Variants in ENTPD8 observed in about 807,000 individuals in gnomAD.
ENTPD8 encodes E-NTPDase 8.
Under a neutral mutation model 47.0 loss-of-function variants are expected in ENTPD8, and 35 were observed. The observed-to-expected ratio is 0.75, with a 90% CI of 0.57 to 0.99. ENTPD8 has a LOEUF of 0.99. Among genes scored for constraint, ENTPD8 ranks in the 50% least tolerant of loss-of-function variants. ENTPD8 has a pLI of 0.00. For missense variants in ENTPD8, 668 were observed against 649.9 expected, an observed-to-expected ratio of 1.03 and a Z score of -0.30; for synonymous variants, 308 against 290.5, an observed-to-expected ratio of 1.06 and a Z score of -0.61.
chr9:137,435,990 G>A (rs1427424839), intron 7 of ENTPD8, 23 bp downstream of exon 7: 8 of 1,610,292 alleles, frequency 5.0e-6, no homozygotes, highest in Non-Finnish European at 4.2e-6. Context: ...CGGACCCCTG[G>A]TGGGGGCAGT....
rs1839439234 is a variant in ENTPD8, at chr9:137,438,761, G to C, written c.-20-456C>G. ...GGCATCAGAGGGCCCTGTGGGAGGG[G>C]GGCGGGGGGCAGCAGAGGCCTCGTC... On this transcript the variant is annotated intron_variant, in intron 1 of 9. Coordinates refer to ENST00000371506, the MANE Select transcript of ENTPD8 (RefSeq NM_001033113.2). This position sits in a 1 kb window ranked among gnomAD's most constrained non-coding sequence, Gnocchi z 5.7. 6.6e-6 allele frequency among the ~76,000 whole-genome samples: 1 copy of C among 152,122 alleles called. No homozygotes were observed. Among genetic ancestry groups the C allele is most frequent in the African/African-American group, 2.4e-5 (1 of 41,424 alleles).
intron 8 of ENTPD8, 63 bp from the exon 9 acceptor site, chr9:137,435,401 C>A: frequency 1.3e-6 from 2 of 1,557,464 alleles, no homozygotes; most frequent in Non-Finnish European, 8.7e-7. Context: ...GCGGGGACCG[C>A]CCCATCTGTC....
rs1197822231 is a variant in ENTPD8, at chr9:137,438,951, C to T, written c.-20-646G>A. On this transcript the variant is annotated intron_variant, in intron 1 of 9. Coordinates refer to ENST00000371506, the MANE Select transcript of ENTPD8 (RefSeq NM_001033113.2). This position sits in a 1 kb window ranked among gnomAD's most constrained non-coding sequence, Gnocchi z 5.7. ...GGAGCAGCCACAGCTCCAGCCTGCA[C>T]TGGGGGCCCAGGGCTCTGCCTCCTC... is the stretch of plus-strand genomic sequence containing the variant. Among the ~76,000 whole-genome samples the T allele has an allele frequency of 1.3e-5, 2 of 152,160 alleles. No individual in the cohort carries two copies. Among genetic ancestry groups the T allele is most frequent in the East Asian group, 1.9e-4 (1 of 5,188 alleles).
chr9:137,435,264 G>C lies in ENTPD8; in HGVS notation c.1236C>G (p.Leu412=), dbSNP rs1268220598. ...YCASGLYILT[L]LHEGYGFSEE... Reference sequence around the variant, plus strand: ...CGCTGAACCCGTAGCCCTCGTGCAGGAGGGTGAGGATGTACAGGCCTGAGG... The same window carrying C: ...CGCTGAACCCGTAGCCCTCGTGCAGCAGGGTGAGGATGTACAGGCCTGAGG... Residue 412 remains leucine (L), a synonymous_variant, in exon 9 of 10, where the codon CTC becomes CTG. Coordinates refer to ENST00000371506, the MANE Select transcript of ENTPD8 (RefSeq NM_001033113.2). 3 of 1,612,460 alleles carry C rather than the reference G, an allele frequency of 1.9e-6. No individual in the cohort carries two copies. Among genetic ancestry groups the C allele is most frequent in the African/African-American group, 1.3e-5 (1 of 74,948 alleles).
chr9:137,436,615 C>G lies in ENTPD8; in HGVS notation c.692G>C (p.Arg231Pro), dbSNP rs374510329. Reference sequence around the variant, plus strand: ...GACGCTGTAGTCGGAGCCGTAGAGGCGAAAATCGGCCTGGGTGCTCTTGTC... The same window carrying G: ...GACGCTGTAGTCGGAGCCGTAGAGGGGAAAATCGGCCTGGGTGCTCTTGTC... The part of the protein sequence containing the change: ...ILDKSTQADF[R>P]LYGSDYSVYT... The change falls in exon 6 of 10, where the codon CGC becomes CCC. Residue 231 changes from arginine (R) to proline (P), a missense_variant. Arg to Pro is a moderately radical substitution (Grantham distance 103). Transcript: ENST00000371506. 1 of 1,609,846 alleles carries G rather than the reference C, an allele frequency of 6.2e-7. No individual in the cohort carries two copies. Among genetic ancestry groups the G allele is most frequent in the Non-Finnish European group, 8.5e-7 (1 of 1,178,854 alleles).
chr9:137,439,356 G>A (rs1839454928), intron 1 of ENTPD8, among the ~76,000 whole-genome samples: 2 of 152,206 alleles, frequency 1.3e-5, no homozygotes, highest in Middle Eastern at 3.4e-3. Context: ...CTTCACACGG[G>A]TACCACTGCC....
Position 137,435,031 on chromosome 9 carries a change from C to T in ENTPD8, c.1371G>A (p.Pro457=), listed in dbSNP as rs140934866. 4.5e-5 allele frequency: 73 copies of T among 1,612,786 alleles called. 1 individual carries two copies. The highest frequency in any genetic ancestry group is 4.5e-4 in the South Asian group (41 of 91,070). ...NLTGMIPADA[P]AQWRAESYGV... ...CGTAGCTCTCTGCCCGCCACTGAGCCGGCGCATCGGCCGGGATCATCCCGG... is the reference window on the plus strand; with the variant it reads ...CGTAGCTCTCTGCCCGCCACTGAGCTGGCGCATCGGCCGGGATCATCCCGG... Residue 457 remains proline (P), a synonymous_variant, in exon 10 of 10, where the codon CCG becomes CCA. Coordinates refer to ENST00000371506, the MANE Select transcript of ENTPD8 (RefSeq NM_001033113.2).
Position 137,437,288 on chromosome 9 carries a change from G to A in ENTPD8, c.266C>T (p.Thr89Ile). 1 of 1,612,242 alleles carries A rather than the reference G, an allele frequency of 6.2e-7. No individual in the cohort carries two copies. Among genetic ancestry groups the A allele is most frequent in the Admixed American group, 1.7e-5 (1 of 59,934 alleles). ...QVEGPGISSYTSNAAQAGESL... is the reference protein window; with the variant it reads ...QVEGPGISSYISNAAQAGESL... ...CTCACCAGCCTGTGCAGCATTAGAA[G>A]TGTAGGAGGAGATTCCAGGCCCTGG... The change falls in exon 4 of 10, where the codon ACT becomes ATT. Residue 89 changes from threonine (T) to isoleucine (I), a missense_variant. Coordinates refer to ENST00000371506, the MANE Select transcript of ENTPD8 (RefSeq NM_001033113.2).
At chr9:137,435,625 G>C in intron 8 of ENTPD8, 94 bp downstream of exon 8, 1 of 1,296,028 alleles carries the variant, frequency 7.7e-7, no homozygotes, top group East Asian at 2.4e-5. Flanking sequence ...CCTGCTGGCC[G>C]TGCTGCCCAG....
At chr9:137,435,520 C>T (rs1284093388) in intron 8 of ENTPD8, among the ~76,000 whole-genome samples, 182 bp from the exon 9 acceptor site, 7 of 152,134 alleles carry the variant, frequency 4.6e-5, no homozygotes, top group East Asian at 1.9e-4. Context: ...CCCTTCTTGG[C>T]GGGCCAGAGG....
At chr9:137,439,069 G>A (rs1399930485) in intron 1 of ENTPD8, among the ~76,000 whole-genome samples, 2 of 152,118 alleles carry the variant, frequency 1.3e-5, no homozygotes, top group African/African-American at 2.4e-5. Context: ...TGAACCCAGG[G>A]TGAGGCCAGC....
At chr9:137,436,372 C>T in intron 6 of ENTPD8, 96 bp from the exon 7 acceptor site, 2 of 1,410,036 alleles carry the variant, frequency 1.4e-6, no homozygotes, top group Non-Finnish European at 1.9e-6. Context: ...CGCGCCCATA[C>T]CCTGTGCGCC....
intron 5 of ENTPD8, 28 bp from the exon 6 acceptor site, chr9:137,436,779 G>T: frequency 6.2e-7 from 1 of 1,602,370 alleles, no homozygotes. Flanking sequence ...CACTCAGCTG[G>T]GAGCAGCCAC....
Position 137,436,919 on chromosome 9 carries a change from C to A in ENTPD8, c.505G>T (p.Gly169Cys). The A allele has an allele frequency of 6.2e-7, 1 of 1,613,062 alleles. No individual in the cohort carries two copies. The highest frequency in any genetic ancestry group is 8.5e-7 in the Non-Finnish European group (1 of 1,179,958). ...GAELLAGQAE[G>C]AFGWITVNYG... ...TTGACAGTGATCCAACCAAAGGCAC[C>A]TTCGGCCTGCCCGGCCAGGAGCTCG... The change falls in exon 5 of 10, where the codon GGT becomes TGT. Residue 169 changes from glycine (G) to cysteine (C), a missense_variant. Gly to Cys is a radical substitution (Grantham distance 159, BLOSUM62 -3). Coordinates refer to ENST00000371506, the MANE Select transcript of ENTPD8 (RefSeq NM_001033113.2).
In ENTPD8 at chr9:137,434,861, A is replaced by G. The variant is rs934694598; in HGVS notation, c.*53T>C. On this transcript the variant is annotated 3_prime_UTR_variant, in exon 10 of 10. Transcript: ENST00000371506. ...GCTCAGGGCTCAGGAAGCCTCCAGC[A>G]TCCGGGACGCAGCTGCCTGTGGGCT... 4.6e-6 allele frequency: 7 copies of G among 1,522,290 alleles called. No individual in the cohort carries two copies. Among genetic ancestry groups the G allele is most frequent in the Middle Eastern group, 1.7e-4 (1 of 5,728 alleles). 94.3% of individuals were successfully genotyped at this position (1,522,290 alleles called of 1,614,324 possible). A position where few individuals can be genotyped will look rare whatever the true frequency, so the allele number is the denominator to read the frequency against.
Sources: allele counts gnomAD v4.1 joint callset (sites outside exome capture counted in the v4.1 genomes callset), GRCh38; gene constraint gnomAD v4.1.1; non-coding constraint Gnocchi (gnomAD v3.1); transcripts MANE v1.5; gene names NCBI Gene and HGNC (gene_info 2026-07-23, HGNC 2026-07-21).